Variants in GLCE observed in about 807,000 individuals in gnomAD.
GLCE encodes D-glucuronyl C5-epimerase.
A neutral mutation model predicts 47.9 loss-of-function variants in GLCE; 19 were observed. That is an observed-to-expected ratio of 0.40 (90% CI 0.28 to 0.58). The LOEUF is 0.58. Ranked by LOEUF, GLCE falls within the 20% of genes least tolerant of loss-of-function variation. The probability of loss-of-function intolerance (pLI) is 0.48; values close to 1 mark genes in which losing one functional copy is unlikely to be tolerated. For missense variants in GLCE, 556 were observed against 743.3 expected (o/e 0.75, Z 2.93); for synonymous variants, 245 against 263.4 (o/e 0.93, Z 0.68).
At chr15:69,217,165 A>G (rs1044616050) in intron 2 of GLCE, among the ~76,000 whole-genome samples, 1 of 151,936 alleles carries the variant, frequency 6.6e-6, no homozygotes, top group African/African-American at 2.4e-5. Context: ...TAAAACTTAT[A>G]AAACATATAT....
In GLCE at chr15:69,271,944, C is replaced by T. The variant is rs1001732369; in HGVS notation, c.*2700C>T. ...TGTGGTTGCTTTTCTTGTTTCTCTT[C>T]CATTGTACATGTGGGTTATATACCA... On this transcript the variant is annotated 3_prime_UTR_variant, in exon 5 of 5. Transcript: ENST00000261858. 2 of 152,582 alleles carry T rather than the reference C, an allele frequency of 1.3e-5. No individual in the cohort carries two copies. The highest frequency in any genetic ancestry group is 4.8e-5 in the African/African-American group (2 of 41,430). The allele number at this position is 152,582 out of a possible 1,614,324, so 9.5% of individuals were successfully genotyped here. A position where few individuals can be genotyped will look rare whatever the true frequency, so the allele number is the denominator to read the frequency against.
At chr15:69,220,604 T>A (rs1322283617) in intron 2 of GLCE, among the ~76,000 whole-genome samples, 1 of 152,178 alleles carries the variant, frequency 6.6e-6, no homozygotes, top group Non-Finnish European at 1.5e-5. Context: ...CTATTCAAGT[T>A]CTTTGCCCAG....
At chr15:69,225,873 T>C (rs2052438825) in intron 2 of GLCE, among the ~76,000 whole-genome samples, 1 of 152,210 alleles carries the variant, frequency 6.6e-6, no homozygotes. Context: ...TAATAAGTGA[T>C]AGAGCCAGGA....
intron 2 of GLCE, among the ~76,000 whole-genome samples, 187 bp downstream of exon 2, chr15:69,210,593 T>C (rs1284097544): frequency 6.6e-6 from 1 of 152,158 alleles, no homozygotes; most frequent in African/African-American, 2.4e-5. Flanking sequence ...CCCAGTCTAA[T>C]CTGAGATTCT....
chr15:69,193,461 G>A (rs914670219), intron 1 of GLCE, among the ~76,000 whole-genome samples: 6 of 151,850 alleles, frequency 4.0e-5, no homozygotes, highest in Non-Finnish European at 8.8e-5. Flanking sequence ...CTTCATCCTC[G>A]TAATGTGTGA....
intron 2 of GLCE, among the ~76,000 whole-genome samples, chr15:69,217,620 A>C (rs78098437): frequency 6.6e-6 from 1 of 152,160 alleles, no homozygotes; most frequent in Non-Finnish European, 1.5e-5. Flanking sequence ...CATGTATGAC[A>C]GTTGACATTA....
Position 69,209,930 on chromosome 15 carries a change from G to A in GLCE, c.-104-386G>A, listed in dbSNP as rs183043396. 8.3e-3 allele frequency among the ~76,000 whole-genome samples: 1,262 copies of A among 152,128 alleles called. 10 individuals are homozygous for A. The highest frequency in any genetic ancestry group is 0.013 in the Non-Finnish European group (886 of 67,988). On this transcript the variant is annotated intron_variant, in intron 1 of 4. Transcript: ENST00000261858. ...AACCTCCATTGCCACTGCTGCCACAGCTGTGATGGGTGGCTGGGCTTGAGA... is the reference window on the plus strand; with the variant it reads ...AACCTCCATTGCCACTGCTGCCACAACTGTGATGGGTGGCTGGGCTTGAGA...
Position 69,202,229 on chromosome 15 carries a change from C to T in GLCE, c.-104-8087C>T, listed in dbSNP as rs141980661. Among the ~76,000 whole-genome samples the T allele has an allele frequency of 1.9e-3, 293 of 151,982 alleles. 1 individual carries two copies. Among genetic ancestry groups the T allele is most frequent in the Non-Finnish European group, 3.2e-3 (219 of 67,928 alleles). ...ACCACGGTTCCCAGCCTTGCTTTCACCTCCTAAATTCAACAGTCAGAGAGT... is the reference window on the plus strand; with the variant it reads ...ACCACGGTTCCCAGCCTTGCTTTCATCTCCTAAATTCAACAGTCAGAGAGT... On this transcript the variant is annotated intron_variant, in intron 1 of 4. Transcript: ENST00000261858.
At chr15:69,164,408 T>C (rs1252342541) in intron 1 of GLCE, among the ~76,000 whole-genome samples, 1 of 151,558 alleles carries the variant, frequency 6.6e-6, no homozygotes, top group African/African-American at 2.4e-5. Flanking sequence ...CCTTAATCTT[T>C]CAGGGCCCCA....
At position 69,268,777 on chromosome 15, in the gene GLCE, G is replaced by A. The variant is rs748978452; in HGVS notation, c.1387G>A (p.Asp463Asn). 5 of 1,614,112 alleles carry A rather than the reference G, an allele frequency of 3.1e-6. No homozygotes were observed. In the South Asian group the frequency reaches 5.5e-5, roughly 18 times the overall value. Residue 463 changes from aspartate (D) to asparagine (N), a missense_variant, in exon 5 of 5, where the codon GAC becomes AAC. This residue lies in a region of GLCE where 245 missense variants were observed against 368.1 expected (regional missense o/e 0.67). Coordinates refer to ENST00000261858, the MANE Select transcript of GLCE (RefSeq NM_015554.3). ...AGTCAGGGCCTATCTGTTAACAAAA[G>A]ACCATATATTCCTCAATTCAGCTTT... The part of the protein sequence containing the change: ...TLVRAYLLTK[D>N]HIFLNSALRA...
chr15:69,203,552 A>T (rs1302506861), intron 1 of GLCE, among the ~76,000 whole-genome samples: 1 of 152,102 alleles, frequency 6.6e-6, no homozygotes. Context: ...AACTAAACTG[A>T]CCTTAGTGAA....
chr15:69,257,178 A>G (rs1187384431), intron 3 of GLCE, among the ~76,000 whole-genome samples: 2 of 152,192 alleles, frequency 1.3e-5, no homozygotes, highest in East Asian at 3.8e-4. Context: ...CTTGGTGACC[A>G]TGTGGATGTT....
At chr15:69,235,000 T>G (rs2052575267) in intron 2 of GLCE, among the ~76,000 whole-genome samples, 1 of 151,992 alleles carries the variant, frequency 6.6e-6, no homozygotes, top group Non-Finnish European at 1.5e-5. Context: ...TTTTACTGAT[T>G]GCTTATTTGG....
chr15:69,265,043 C>T (rs1362796753), intron 4 of GLCE, among the ~76,000 whole-genome samples: 1 of 151,930 alleles, frequency 6.6e-6, no homozygotes, highest in Non-Finnish European at 1.5e-5. Context: ...TTGATGTAGT[C>T]CCACTTGTTT....
At chr15:69,172,242 A>G (rs1011329982) in intron 1 of GLCE, among the ~76,000 whole-genome samples, 9 of 152,224 alleles carry the variant, frequency 5.9e-5, no homozygotes, top group African/African-American at 1.9e-4. Flanking sequence ...TAATAGACTG[A>G]TATCAGAGCT....
At chr15:69,211,185 G>T (rs898493727) in intron 2 of GLCE, among the ~76,000 whole-genome samples, 3 of 151,972 alleles carry the variant, frequency 2.0e-5, no homozygotes, top group Non-Finnish European at 4.4e-5. Flanking sequence ...CTTAATGTTA[G>T]CAGTTAAATA....
intron 2 of GLCE, among the ~76,000 whole-genome samples, chr15:69,249,828 A>T (rs564285392): frequency 4.8e-4 from 73 of 152,298 alleles, no homozygotes; most frequent in Non-Finnish European, 5.3e-4. Context: ...CACAGAAAAG[A>T]TGTTTGAATT....
At chr15:69,192,447 C>T (rs2051927327) in intron 1 of GLCE, among the ~76,000 whole-genome samples, 2 of 151,880 alleles carry the variant, frequency 1.3e-5, no homozygotes, top group East Asian at 1.9e-4. Flanking sequence ...TGGGTTTTCT[C>T]TTATGCTGTT....
Position 69,185,777 on chromosome 15 carries a change from C to A in GLCE, c.-104-24539C>A, listed in dbSNP as rs148079287. ...GGTATTCTCCAGTTCAATTCTGGCA[C>A]TGTCTACCTGGAGAATTTAAGAACA... On this transcript the variant is annotated intron_variant, in intron 1 of 4. Transcript: ENST00000261858. Among the ~76,000 whole-genome samples, 12 of 152,174 alleles carry A rather than the reference C, an allele frequency of 7.9e-5. No homozygotes were observed. The East Asian group carries it at 2.3e-3, about 30-fold the overall frequency.
Sources: gnomAD v4.1 joint callset for allele counts (sites outside exome capture counted in the v4.1 genomes callset) on GRCh38, gnomAD v4.1.1 for gene constraint, gnomAD v4.1.1 regional missense constraint, MANE v1.5 for transcripts, NCBI Gene and HGNC (gene_info 2026-07-23, HGNC 2026-07-21) for gene names.